CDH20: variants seen among roughly 807,000 people sequenced by gnomAD.
CDH20 encodes the protein cadherin-20.
CDH20 carries 29 observed loss-of-function variants against 74.2 expected under a neutral mutation model. The ratio of observed to expected loss-of-function variants is 0.39; its 90% confidence interval spans 0.29 to 0.53. The LOEUF (loss-of-function observed/expected upper bound fraction) is 0.53, where lower values mean the gene tolerates loss of function less well. CDH20 is among the 20% of genes least tolerant of loss of function. The pLI is 0.69. For synonymous variants in CDH20, 469 were observed against 405.4 expected, an observed-to-expected ratio of 1.16 and a Z score of -1.88; for missense variants, 988 against 1,048.3, an observed-to-expected ratio of 0.94 and a Z score of 0.79.
chr18:61,384,763 T>A (rs1021102499), intron 1 of CDH20, among the ~76,000 whole-genome samples: 1 of 152,064 alleles, frequency 6.6e-6, no homozygotes, highest in Non-Finnish European at 1.5e-5. Context: ...TTAAAAAAAC[T>A]AAAAAGCAAA....
chr18:61,498,937 A>G (rs1911264056), intron 2 of CDH20, among the ~76,000 whole-genome samples: 2 of 152,256 alleles, frequency 1.3e-5, no homozygotes, highest in Middle Eastern at 3.4e-3. Context: ...AGGGAGAAGA[A>G]TTTTGTTTAA....
intron 1 of CDH20, among the ~76,000 whole-genome samples, chr18:61,425,215 A>T (rs914209362): frequency 1.3e-5 from 2 of 152,160 alleles, no homozygotes; most frequent in African/African-American, 4.8e-5. Flanking sequence ...CTTATGTCAG[A>T]CCATAGGGTC....
intron 5 of CDH20, among the ~76,000 whole-genome samples, chr18:61,505,882 T>C (rs567699792): frequency 3.9e-5 from 6 of 152,330 alleles, no homozygotes; most frequent in Non-Finnish European, 8.8e-5. Flanking sequence ...TCCCCATCTA[T>C]TTGCTAAAAC....
At chr18:61,364,823 ACC>A (rs1313386001) in intron 1 of CDH20, among the ~76,000 whole-genome samples, 1 of 152,174 alleles carries the variant, frequency 6.6e-6, no homozygotes, top group Non-Finnish European at 1.5e-5. Flanking sequence ...TTTCAAAATT[ACC>A]CAGTCTCAGG....
intron 10 of CDH20, 27 bp downstream of exon 10, chr18:61,545,171 G>A (rs190776657): frequency 2.2e-4 from 317 of 1,463,154 alleles, no homozygotes; most frequent in African/African-American, 1.7e-3. Context: ...TTGGCTATCT[G>A]TGCTTTTCTA....
rs570860277 is a variant in CDH20, at chr18:61,336,841, C to CT, written c.-153+3018dup. On this transcript the variant is annotated intron_variant, in intron 1 of 11. Coordinates refer to ENST00000262717, the MANE Select transcript of CDH20 (RefSeq NM_031891.4). ...ATGGGGGGGGGTGATGAGAATAGGT[C>CT]TTTTCACCCTAAAAAAAAAATGTCC... is the stretch of plus-strand genomic sequence containing the variant. Among the ~76,000 whole-genome samples the CT allele has an allele frequency of 8.7e-5, 13 of 149,994 alleles. 1 individual carries two copies. The South Asian group carries it at 2.7e-3, about 32-fold the overall frequency.
chr18:61,389,170 A>G (rs1911693875), intron 1 of CDH20, among the ~76,000 whole-genome samples: 1 of 152,196 alleles, frequency 6.6e-6, no homozygotes, highest in African/African-American at 2.4e-5. Flanking sequence ...CCTGCTTTAC[A>G]TAGTAGGCTC....
intron 1 of CDH20, among the ~76,000 whole-genome samples, chr18:61,338,009 A>C (rs1909814349): frequency 6.6e-6 from 1 of 152,264 alleles, no homozygotes. Flanking sequence ...AAGGTCATAC[A>C]GTCTCATAAA....
At chr18:61,464,727 C>T (rs1909906922) in intron 1 of CDH20, among the ~76,000 whole-genome samples, 1 of 152,168 alleles carries the variant, frequency 6.6e-6, no homozygotes, top group African/African-American at 2.4e-5. Context: ...TGAAAGCAAC[C>T]ACACCCATTT....
intron 6 of CDH20, among the ~76,000 whole-genome samples, chr18:61,511,030 A>C (rs1911763319): frequency 1.4e-5 from 2 of 141,426 alleles, no homozygotes; most frequent in African/African-American, 5.2e-5. Flanking sequence ...TCTGTCACCC[A>C]AGCTGGGGTG....
intron 1 of CDH20, among the ~76,000 whole-genome samples, chr18:61,374,477 G>A (rs1347268338): frequency 6.6e-6 from 1 of 152,064 alleles, no homozygotes; most frequent in Non-Finnish European, 1.5e-5. Context: ...AAACAAATTT[G>A]TGCACATTAC....
intron 1 of CDH20, among the ~76,000 whole-genome samples, chr18:61,391,219 G>T (rs1207166877): frequency 6.6e-6 from 1 of 152,136 alleles, no homozygotes; most frequent in Non-Finnish European, 1.5e-5. Context: ...CACATGAAAA[G>T]ATGGCCAGTC....
At chr18:61,462,314 G>T (rs889915071) in intron 1 of CDH20, among the ~76,000 whole-genome samples, 4 of 152,078 alleles carry the variant, frequency 2.6e-5, no homozygotes, top group Admixed American at 2.6e-4. Context: ...ATTATAATTT[G>T]TCAGTTAAAA....
Position 61,554,828 on chromosome 18 carries a change from C to G in CDH20, c.*133C>G. On this transcript the variant is annotated 3_prime_UTR_variant, in exon 12 of 12. Coordinates refer to ENST00000262717, the MANE Select transcript of CDH20 (RefSeq NM_031891.4). The stretch of plus-strand genomic sequence containing the variant: ...TGGGGGTGAGCAGGCGAACAGAGCT[C>G]TCTCTGGATCAGCTTTACTTGGGTA... The G allele has an allele frequency of 1.4e-6, 2 of 1,426,662 alleles. No individual in the cohort carries two copies. Among genetic ancestry groups the G allele is most frequent in the Non-Finnish European group, 1.8e-6 (2 of 1,093,282 alleles). The allele number at this position is 1,426,662 out of a possible 1,614,324, so 88.4% of individuals were successfully genotyped here.
intron 1 of CDH20, among the ~76,000 whole-genome samples, chr18:61,338,251 A>T (rs1026208873): frequency 2.0e-5 from 3 of 152,188 alleles, no homozygotes; most frequent in African/African-American, 7.2e-5. Flanking sequence ...ATAGAAAATC[A>T]TATTACCACA....
chr18:61,442,370 G>A (rs75908540), intron 1 of CDH20, among the ~76,000 whole-genome samples: 107 of 142,192 alleles, frequency 7.5e-4, no homozygotes, highest in Non-Finnish European at 9.4e-4. Flanking sequence ...AAAAAGAAAA[G>A]AAAAAAAAAA....
intron 1 of CDH20, among the ~76,000 whole-genome samples, chr18:61,356,894 C>T (rs1411387626): frequency 8.5e-5 from 13 of 152,116 alleles, no homozygotes; most frequent in Admixed American, 7.2e-4. Context: ...AAGGAGATAC[C>T]CAAGTATCCC....
chr18:61,479,231 G>A (rs1256131107), intron 1 of CDH20, among the ~76,000 whole-genome samples: 3 of 151,682 alleles, frequency 2.0e-5, no homozygotes, highest in Non-Finnish European at 4.4e-5. Flanking sequence ...AAAAACCCAA[G>A]ATGGCTCTGA....
intron 1 of CDH20, among the ~76,000 whole-genome samples, chr18:61,484,687 G>A (rs1439473303): frequency 1.3e-5 from 2 of 150,634 alleles, no homozygotes; most frequent in Non-Finnish European, 2.9e-5. Context: ...TCAAAGCCAG[G>A]GCTCTTAATT....
Sources: allele counts gnomAD v4.1 joint callset (sites outside exome capture counted in the v4.1 genomes callset), GRCh38; gene constraint gnomAD v4.1.1; transcripts MANE v1.5; gene names NCBI Gene and HGNC (gene_info 2026-07-23, HGNC 2026-07-21).